Variants in LFNG observed in about 807,000 individuals in gnomAD.
The protein encoded by LFNG is beta-1,3-N-acetylglucosaminyltransferase lunatic fringe.
Under a neutral mutation model 32.7 loss-of-function variants are expected in LFNG, and 15 were observed. The observed-to-expected ratio is 0.46, with a 90% CI of 0.31 to 0.71. The LOEUF (loss-of-function observed/expected upper bound fraction) is 0.71. LFNG is among the 30% of genes least tolerant of loss of function. The pLI is 0.06. For missense variants in LFNG, 520 were observed against 545.7 expected (o/e 0.95, Z 0.47); for synonymous variants, 274 against 246.8 (o/e 1.11, Z -1.03).
Position 2,527,492 on chromosome 7 carries a change from G to A in LFNG, c.*280G>A. The A allele has an allele frequency of 7.2e-7, 1 of 1,382,616 alleles. No individual in the cohort carries two copies. The highest frequency in any genetic ancestry group is 9.4e-7 in the Non-Finnish European group (1 of 1,065,190). 85.6% of individuals were successfully genotyped at this position (1,382,616 alleles called of 1,614,324 possible). On this transcript the variant is annotated 3_prime_UTR_variant, in exon 8 of 8. Transcript: ENST00000222725. The surrounding 1 kb of genome is among the most constrained non-coding windows in gnomAD (Gnocchi z 4.4). ...TTGGAGGAAGGATTTGTGTGTCGGA[G>A]GCCACTCCGAGGGCAATTCTGTTAG... is the stretch of plus-strand genomic sequence containing the variant.
chr7:2,517,039 C>G (rs942258554), upstream of LFNG, among the ~76,000 whole-genome samples: 1 of 150,534 alleles, frequency 6.6e-6, no homozygotes, highest in Admixed American at 6.7e-5. Flanking sequence ...TCCCCAGCTC[C>G]CCTTTGTCCT....
In LFNG at chr7:2,527,305, C is replaced by T. The variant is rs950204135; in HGVS notation, c.*93C>T. On this transcript the variant is annotated 3_prime_UTR_variant, in exon 8 of 8. Coordinates refer to ENST00000222725, the MANE Select transcript of LFNG (RefSeq NM_001040167.2). This position sits in a 1 kb window ranked among gnomAD's most constrained non-coding sequence, Gnocchi z 4.4. ...TGCCCTGGCCTCGGCATTCGAGGCT[C>T]CCCTAGGGCCGTGCCTGTGCGTGTG... 1.9e-5 allele frequency: 29 copies of T among 1,560,334 alleles called. No individual in the cohort carries two copies. The highest frequency in any genetic ancestry group is 2.5e-5 in the Non-Finnish European group (29 of 1,161,106).
chr7:2,526,999 G>A lies in LFNG; in HGVS notation c.1073+78G>A. ...GGGGGCCTCGTGGAGCTGCAGCAGG[G>A]TCTCTCTAAGCGGCATGACTCTACA... On this transcript the variant is annotated intron_variant, in intron 7 of 7. Transcript: ENST00000222725. This position sits in a 1 kb window ranked among gnomAD's most constrained non-coding sequence, Gnocchi z 6.9. 6.9e-7 allele frequency: 1 copy of A among 1,459,756 alleles called. No homozygotes were observed. The highest frequency in any genetic ancestry group is 9.5e-7 in the Non-Finnish European group (1 of 1,049,276). The allele number at this position is 1,459,756 out of a possible 1,614,324, so 90.4% of individuals were successfully genotyped here.
At chr7:2,515,068 GTCCATCCGTCCA>G (rs1779591990), upstream of LFNG, among the ~76,000 whole-genome samples, 1 of 137,356 alleles carries the variant, frequency 7.3e-6, no homozygotes, top group Non-Finnish European at 1.6e-5. Context: ...CCATCCATCT[GTCCATCCGTCCA>G]TCCATCCATC....
rs143421936 is a variant in LFNG at position 2,527,130 on chromosome 7, T to C, written c.1074-16T>C. The C allele has an allele frequency of 1.4e-4, 222 of 1,611,492 alleles. No individual in the cohort carries two copies. The East Asian group carries it at 4.7e-3, about 34-fold the overall frequency. ...CCTGCCACCCACGCAGACCAGCCCCTGCTCTGTTCCCACAGGTTCCGCTCC... is the reference window on the plus strand; with the variant it reads ...CCTGCCACCCACGCAGACCAGCCCCCGCTCTGTTCCCACAGGTTCCGCTCC... On this transcript the variant is annotated splice_polypyrimidine_tract_variant and intron_variant, in intron 7 of 7. Coordinates refer to ENST00000222725, the MANE Select transcript of LFNG (RefSeq NM_001040167.2). This position sits in a 1 kb window ranked among gnomAD's most constrained non-coding sequence, Gnocchi z 4.4.
Position 2,526,752 on chromosome 7 carries a change from C to G in LFNG, c.988-84C>G, listed in dbSNP as rs1422158666. The G allele has an allele frequency of 3.8e-6, 5 of 1,323,268 alleles. No individual in the cohort carries two copies. Among genetic ancestry groups the G allele is most frequent in the Admixed American group, 3.5e-5 (2 of 57,784 alleles). The allele number at this position is 1,323,268 out of a possible 1,614,324, so 82.0% of individuals were successfully genotyped here. A position where few individuals can be genotyped will look rare whatever the true frequency, so the allele number is the denominator to read the frequency against. ...AGGGAGGCCAGGGCAGGGCCGTTGC[C>G]TCACTCAGGGCTGTGTGGCCAGCCT... On this transcript the variant is annotated intron_variant, in intron 6 of 7. Transcript: ENST00000222725. The surrounding 1 kb of genome is among the most constrained non-coding windows in gnomAD (Gnocchi z 6.9).
At chr7:2,522,152 G>A (rs890080397) in intron 1 of LFNG, among the ~76,000 whole-genome samples, 2 of 152,214 alleles carry the variant, frequency 1.3e-5, no homozygotes, top group African/African-American at 2.4e-5. Flanking sequence ...GGAAAACCCC[G>A]AGAGGCTGTG....
At chr7:2,519,192 C>G (rs1406105811), upstream of LFNG, among the ~76,000 whole-genome samples, 2 of 152,140 alleles carry the variant, frequency 1.3e-5, no homozygotes, top group Non-Finnish European at 2.9e-5. Flanking sequence ...GTTAGAACCT[C>G]GTGTCCCCAC....
chr7:2,527,420 C>G lies in LFNG; in HGVS notation c.*208C>G. The G allele has an allele frequency of 6.9e-7, 1 of 1,457,674 alleles. No individual in the cohort carries two copies. The highest frequency in any genetic ancestry group is 9.1e-7 in the Non-Finnish European group (1 of 1,104,466). The allele number at this position is 1,457,674 out of a possible 1,614,324, so 90.3% of individuals were successfully genotyped here. ...CTCTGTGGAGGGGCGGGCACCAGCG[C>G]CACTTATGTGCCTCTGCTCCGAGGG... On this transcript the variant is annotated 3_prime_UTR_variant, in exon 8 of 8. Transcript: ENST00000222725. The surrounding 1 kb of genome is among the most constrained non-coding windows in gnomAD (Gnocchi z 4.4).
At chr7:2,525,898 T>G in intron 5 of LFNG, 128 bp downstream of exon 5, 1 of 831,050 alleles carries the variant, frequency 1.2e-6, no homozygotes, top group Non-Finnish European at 2.0e-6. Flanking sequence ...ACTTACTTCC[T>G]ATATTCCACT....
chr7:2,525,799 C>T, intron 5 of LFNG, 29 bp downstream of exon 5: 2 of 1,589,138 alleles, frequency 1.3e-6, no homozygotes, highest in East Asian at 2.2e-5. Flanking sequence ...TTAGGCCAGC[C>T]CGGTCCCAGG....
intron 2 of LFNG, 29 bp from the exon 3 acceptor site, chr7:2,525,190 C>T (rs769771253): frequency 6.3e-7 from 1 of 1,597,392 alleles, no homozygotes; most frequent in African/African-American, 1.3e-5. Context: ...CCGGCTCAGA[C>T]CTACTCACAG....
intron 2 of LFNG, 132 bp from the exon 3 acceptor site, chr7:2,525,087 A>T: frequency 1.2e-6 from 1 of 811,018 alleles, no homozygotes. Flanking sequence ...AGGGTGGGGG[A>T]GGCTACGGCC....
chr7:2,518,933 G>T (rs570937418), upstream of LFNG, among the ~76,000 whole-genome samples: 132 of 152,160 alleles, frequency 8.7e-4, no homozygotes, highest in Non-Finnish European at 1.8e-3. Context: ...GGGAAGGGCC[G>T]GGGATGGGGG....
rs890499442 is a variant in LFNG, at chr7:2,526,733, G to T, written c.988-103G>T. 2.8e-6 allele frequency: 3 copies of T among 1,087,302 alleles called. No homozygotes were observed. The highest frequency in any genetic ancestry group is 2.6e-5 in the South Asian group (2 of 77,192). 67.4% of individuals were successfully genotyped at this position (1,087,302 alleles called of 1,614,324 possible). On this transcript the variant is annotated intron_variant, in intron 6 of 7. Transcript: ENST00000222725. The surrounding 1 kb of genome is among the most constrained non-coding windows in gnomAD (Gnocchi z 6.9). ...AGGTGTCCTTCCAGGTCCAAGGGAG[G>T]CCAGGGCAGGGCCGTTGCCTCACTC...
Position 2,520,400 on chromosome 7 carries a change from C to A in LFNG, c.432+107C>A. 2 of 1,041,080 alleles carry A rather than the reference C, an allele frequency of 1.9e-6. No homozygotes were observed. The highest frequency in any genetic ancestry group is 1.5e-5 in the South Asian group (1 of 65,762). 64.5% of individuals were successfully genotyped at this position (1,041,080 alleles called of 1,614,324 possible). On this transcript the variant is annotated intron_variant, in intron 1 of 7. Transcript: ENST00000222725. The surrounding 1 kb of genome is among the most constrained non-coding windows in gnomAD (Gnocchi z 5.0). ...GAGTCAGGCTGCATCCCCATCCAGC[C>A]ACTAGGGCCATCTGTGGGCGACGCC...
upstream of LFNG, chr7:2,519,770 C>T (rs563466051): frequency 3.1e-4 from 229 of 738,434 alleles, 3 homozygotes; most frequent in South Asian, 0.011. Flanking sequence ...ACTGGTGCTG[C>T]GCTGCTGGAC....
chr7:2,513,144 T>TGTTGAA, upstream of LFNG: 2 of 1,612,812 alleles, frequency 1.2e-6, no homozygotes, highest in Admixed American at 3.3e-5. Flanking sequence ...CCTCACCTAC[T>TGTTGAA]ACCTTCCCCC....
upstream of LFNG, chr7:2,519,694 C>T (rs945998649): frequency 8.0e-6 from 2 of 249,336 alleles, no homozygotes; most frequent in African/African-American, 4.7e-5. Flanking sequence ...GGCCCCGCCC[C>T]CGAGCCCGGG....
Sources: gnomAD v4.1 joint callset for allele counts (sites outside exome capture counted in the v4.1 genomes callset) on GRCh38, gnomAD v4.1.1 for gene constraint, Gnocchi (gnomAD v3.1) non-coding constraint, MANE v1.5 for transcripts, NCBI Gene and HGNC (gene_info 2026-07-23, HGNC 2026-07-21) for gene names.